TSHZ3: variants seen among roughly 807,000 people sequenced by gnomAD.
The protein encoded by TSHZ3 is teashirt zinc finger homeobox 3, also known as teashirt homolog 3.
In TSHZ3, 10 loss-of-function variants were observed where a neutral mutation model predicts 64.5. The observed-to-expected ratio is 0.16, with a 90% confidence interval of 0.10 to 0.26. TSHZ3 has a LOEUF of 0.26. Ranked by LOEUF, TSHZ3 falls within the 10% of genes least tolerant of loss-of-function variation. TSHZ3 has a pLI of 1.00. For synonymous variants in TSHZ3, 608 were observed against 593.1 expected, an observed-to-expected ratio of 1.03 and a Z score of -0.36; for missense variants, 1,242 against 1,421.7, an observed-to-expected ratio of 0.87 and a Z score of 2.03.
At chr19:31,349,500 G>A (rs2021638452), upstream of TSHZ3, 1 of 367,056 alleles carries the variant, frequency 2.7e-6, no homozygotes, top group Non-Finnish European at 4.8e-6. Flanking sequence ...CAGAGGAGGA[G>A]GAGGTGGAGG....
chr19:31,253,439 A>T (rs543668411), intron 1 of TSHZ3, among the ~76,000 whole-genome samples: 1 of 152,274 alleles, frequency 6.6e-6, no homozygotes, highest in African/African-American at 2.4e-5. Context: ...GTTGCATCTC[A>T]ACTGTGTGCC....
At chr19:31,172,290 G>C (rs201609318) in intron 5 of TSHZ3, among the ~76,000 whole-genome samples, 8 of 152,158 alleles carry the variant, frequency 5.3e-5, no homozygotes, top group East Asian at 1.9e-4. Context: ...CTGTAAAATG[G>C]GGGCGATAAC....
intron 1 of TSHZ3, among the ~76,000 whole-genome samples, chr19:31,285,477 C>CAA (rs397859442): frequency 0.065 from 8,657 of 132,446 alleles, 449 homozygotes; most frequent in African/African-American, 0.14. Context: ...GATTCTGTCT[C>CAA]AAAAAAAAAA....
intron 5 of TSHZ3, among the ~76,000 whole-genome samples, chr19:31,177,682 G>A (rs535668644): frequency 1.4e-4 from 21 of 152,286 alleles, no homozygotes; most frequent in Middle Eastern, 3.4e-3. Context: ...TAAGTTCTGC[G>A]CGCTGGGAAG....
chr19:31,299,734 G>A (rs1356594007), intron 1 of TSHZ3, among the ~76,000 whole-genome samples: 1 of 152,160 alleles, frequency 6.6e-6, no homozygotes, highest in African/African-American at 2.4e-5. Flanking sequence ...ACTGTGCAAA[G>A]TTCTCAGGAC....
intron 1 of TSHZ3, among the ~76,000 whole-genome samples, chr19:31,293,551 C>G (rs1368865396): frequency 6.6e-6 from 1 of 152,182 alleles, no homozygotes; most frequent in Non-Finnish European, 1.5e-5. Flanking sequence ...AGGTCCTGCT[C>G]ATTCCATGTC....
intron 4 of TSHZ3, among the ~76,000 whole-genome samples, chr19:31,208,774 T>C (rs1975220979): frequency 6.6e-6 from 1 of 152,174 alleles, no homozygotes; most frequent in Non-Finnish European, 1.5e-5. Context: ...CTGTTCCTCT[T>C]TCAGAGGTGT....
At chr19:31,210,516 G>A (rs1001754475) in intron 4 of TSHZ3, among the ~76,000 whole-genome samples, 1 of 152,110 alleles carries the variant, frequency 6.6e-6, no homozygotes, top group African/African-American at 2.4e-5. Flanking sequence ...GCCTCAGGCT[G>A]CTTCCAGGAG....
At position 31,278,371 on chromosome 19, in the gene TSHZ3, G is replaced by A. The variant is rs774032101; in HGVS notation, c.1422C>T (p.Val474=). ...PKLNVEVKKE[V]DKEKAVTDEK... ...CGTCAGTGACCGCTTTCTCCTTGTCGACTTCCTTCTTGACCTCCACATTCA... is the reference window on the plus strand; with the variant it reads ...CGTCAGTGACCGCTTTCTCCTTGTCAACTTCCTTCTTGACCTCCACATTCA... Residue 474 remains valine, a synonymous_variant, in exon 2 of 2, where the codon GTC becomes GTT. Transcript: ENST00000240587. This position sits in a 1 kb window ranked among gnomAD's most constrained non-coding sequence, Gnocchi z 4.7. 2.2e-5 allele frequency: 35 copies of A among 1,613,964 alleles called. No individual in the cohort carries two copies. In the South Asian group the frequency reaches 2.5e-4, roughly 12 times the overall value.
At chr19:31,287,661 G>A (rs1308303562) in intron 1 of TSHZ3, among the ~76,000 whole-genome samples, 1 of 152,118 alleles carries the variant, frequency 6.6e-6, no homozygotes, top group African/African-American at 2.4e-5. Flanking sequence ...CCACCAAAGG[G>A]CATGGGAGGT....
At chr19:31,156,421 TA>T (rs1220113409) in intron 5 of TSHZ3, among the ~76,000 whole-genome samples, 1 of 152,140 alleles carries the variant, frequency 6.6e-6, no homozygotes, top group East Asian at 1.9e-4. Context: ...GTTCTCCCTA[TA>T]AACAAAACAA....
At position 31,279,761 on chromosome 19, in the gene TSHZ3, A is replaced by G. The variant is rs777314490; in HGVS notation, c.41-9T>C. ...CTCTTCGGAAACATAGGCTGCCATG[A>G]TAACAGGTGGGAAAGAGAGACAGGT... On this transcript the variant is annotated splice_polypyrimidine_tract_variant and intron_variant, in intron 1 of 1. Transcript: ENST00000240587. This position sits in a 1 kb window ranked among gnomAD's most constrained non-coding sequence, Gnocchi z 6.4. 2.0e-6 allele frequency: 3 copies of G among 1,485,010 alleles called. No individual in the cohort carries two copies. Among genetic ancestry groups the G allele is most frequent in the South Asian group, 2.9e-5 (2 of 68,302 alleles). 92.0% of individuals were successfully genotyped at this position (1,485,010 alleles called of 1,614,324 possible).
At chr19:31,292,980 T>C (rs1384412745) in intron 1 of TSHZ3, among the ~76,000 whole-genome samples, 1 of 114,572 alleles carries the variant, frequency 8.7e-6, no homozygotes, top group East Asian at 4.6e-4. Context: ...CATCCATCCA[T>C]CCATCCATTC....
At chr19:31,241,504 C>A (rs779188756) in intron 3 of TSHZ3, among the ~76,000 whole-genome samples, 13 of 152,228 alleles carry the variant, frequency 8.5e-5, no homozygotes, top group Admixed American at 2.6e-4. Context: ...GCTCTACTTT[C>A]AATCTCCCAA....
chr19:31,311,563 G>A (rs528683520), intron 1 of TSHZ3, among the ~76,000 whole-genome samples: 1 of 152,234 alleles, frequency 6.6e-6, no homozygotes, highest in East Asian at 1.9e-4. Flanking sequence ...GACAGAAGGT[G>A]CTGCACTGTG....
At chr19:31,216,912 T>C (rs1975341458) in intron 4 of TSHZ3, among the ~76,000 whole-genome samples, 1 of 152,134 alleles carries the variant, frequency 6.6e-6, no homozygotes, top group South Asian at 2.1e-4. Flanking sequence ...TGCCTCAGCC[T>C]CCCAAAGTGC....
intron 1 of TSHZ3, among the ~76,000 whole-genome samples, chr19:31,298,441 C>T (rs1042092694): frequency 3.3e-5 from 5 of 151,774 alleles, no homozygotes; most frequent in South Asian, 2.1e-4. Context: ...ATAGAAGAGC[C>T]GACTTCATGC....
chr19:31,198,594 G>T (rs996356245), intron 5 of TSHZ3, among the ~76,000 whole-genome samples: 1 of 152,014 alleles, frequency 6.6e-6, no homozygotes, highest in Non-Finnish European at 1.5e-5. Context: ...GCAGGATAAA[G>T]GTTAATACAC....
intron 1 of TSHZ3, among the ~76,000 whole-genome samples, chr19:31,320,282 C>T (rs532678046): frequency 6.6e-6 from 1 of 152,274 alleles, no homozygotes; most frequent in South Asian, 2.1e-4. Flanking sequence ...CTCGTGTTTG[C>T]TTCTGTGCTT....
Sources: gnomAD v4.1 joint callset for allele counts (sites outside exome capture counted in the v4.1 genomes callset) on GRCh38, gnomAD v4.1.1 for gene constraint, Gnocchi (gnomAD v3.1) non-coding constraint, MANE v1.5 for transcripts, NCBI Gene and HGNC (gene_info 2026-07-23, HGNC 2026-07-21) for gene names.